The following NWD2 variants were observed in gnomAD, a reference collection of about 807,000 sequenced individuals.
NWD2 encodes the protein NACHT and WD repeat domain-containing protein 2.
In NWD2, 37 loss-of-function variants were observed where a neutral mutation model predicts 132.7. That is an observed-to-expected ratio of 0.28 (90% confidence interval 0.21 to 0.37). The LOEUF (loss-of-function observed/expected upper bound fraction) is 0.37. Among genes scored for constraint, NWD2 ranks in the 10% least tolerant of loss-of-function variants. The pLI, the probability that NWD2 is intolerant of heterozygous loss-of-function variation, is 1.00. For synonymous variants in NWD2, 705 were observed against 803.0 expected, an observed-to-expected ratio of 0.88 and a Z score of 2.06; for missense variants, 1,592 against 2,122.4, an observed-to-expected ratio of 0.75 and a Z score of 4.91.
chr4:37,393,514 A>G (rs766330231), intron 3 of NWD2, among the ~76,000 whole-genome samples: 2 of 152,246 alleles, frequency 1.3e-5, no homozygotes, highest in Non-Finnish European at 2.9e-5. Context: ...AAGTTTCCAA[A>G]GAAGATGGTC....
chr4:37,378,694 G>C (rs187602985), intron 3 of NWD2, among the ~76,000 whole-genome samples: 1 of 152,122 alleles, frequency 6.6e-6, no homozygotes, highest in Non-Finnish European at 1.5e-5. Context: ...TCTTGTGAAA[G>C]TGTTTATTTT....
chr4:37,336,952 G>GAAAAAAAAAA (rs11371327), intron 2 of NWD2, among the ~76,000 whole-genome samples: 4 of 118,976 alleles, frequency 3.4e-5, no homozygotes, highest in Non-Finnish European at 6.7e-5. Context: ...CTCAAAAAAA[G>GAAAAAAAAAA]AAAAAAAAAA....
At chr4:37,339,528 T>C (rs1392975965) in intron 2 of NWD2, among the ~76,000 whole-genome samples, 2 of 152,218 alleles carry the variant, frequency 1.3e-5, no homozygotes, top group East Asian at 3.9e-4. Flanking sequence ...TGTCTGATTA[T>C]ACCAACACTG....
chr4:37,435,617 G>A (rs1284160183), intron 5 of NWD2, among the ~76,000 whole-genome samples: 1 of 151,678 alleles, frequency 6.6e-6, no homozygotes, highest in Non-Finnish European at 1.5e-5. Flanking sequence ...TATTATTTAT[G>A]TAAAAAACAC....
intron 1 of NWD2, among the ~76,000 whole-genome samples, chr4:37,252,987 T>C (rs1212855463): frequency 4.8e-5 from 7 of 144,340 alleles, no homozygotes; most frequent in African/African-American, 2.0e-4. Context: ...TAGCTGACTT[T>C]AAAAATTACC....
intron 1 of NWD2, among the ~76,000 whole-genome samples, chr4:37,290,312 A>T (rs986738792): frequency 5.3e-5 from 8 of 151,948 alleles, no homozygotes; most frequent in Admixed American, 6.5e-5. Flanking sequence ...ATTATATTTT[A>T]AAAAATGTAT....
At chr4:37,245,273 G>A (rs1717212444) in intron 1 of NWD2, 55 bp downstream of exon 1, 4 of 1,484,970 alleles carry the variant, frequency 2.7e-6, no homozygotes, top group East Asian at 2.5e-5. Flanking sequence ...AGCGCTGCGG[G>A]AGCTGGAGAG....
intron 2 of NWD2, among the ~76,000 whole-genome samples, chr4:37,341,528 G>A (rs1005807517): frequency 9.8e-5 from 15 of 152,314 alleles, no homozygotes; most frequent in African/African-American, 3.6e-4. Context: ...AGGCAAACAT[G>A]ACATGAAATG....
intron 1 of NWD2, among the ~76,000 whole-genome samples, chr4:37,283,910 G>A (rs929295040): frequency 6.6e-6 from 1 of 152,136 alleles, no homozygotes; most frequent in Admixed American, 6.6e-5. Flanking sequence ...CACTTAAGGA[G>A]GTGGCCCTTG....
At chr4:37,307,165 A>T (rs1245043995) in intron 1 of NWD2, among the ~76,000 whole-genome samples, 1 of 152,120 alleles carries the variant, frequency 6.6e-6, no homozygotes, top group East Asian at 1.9e-4. Flanking sequence ...GCAGTTTGGT[A>T]ATTTTCTGTA....
chr4:37,331,828 A>C (rs890448645), intron 2 of NWD2, among the ~76,000 whole-genome samples: 9 of 152,034 alleles, frequency 5.9e-5, no homozygotes. Flanking sequence ...CCCTCCCCCA[A>C]CTCCCAGCAG....
At chr4:37,247,363 C>T (rs1717265201) in intron 1 of NWD2, among the ~76,000 whole-genome samples, 1 of 152,088 alleles carries the variant, frequency 6.6e-6, no homozygotes, top group African/African-American at 2.4e-5. Context: ...GATTCTTGGC[C>T]AATACTGAAG....
At position 37,369,208 on chromosome 4, in the gene NWD2, G is replaced by T. The variant is rs148942404; in HGVS notation, c.357+12726G>T. On this transcript the variant is annotated intron_variant, in intron 3 of 6. Transcript: ENST00000309447. The stretch of plus-strand genomic sequence containing the variant: ...AATTTATGAAAGGTAATTATTTGGT[G>T]AAATAAAATATGTATTAATCAGACA... 1.3e-3 allele frequency among the ~76,000 whole-genome samples: 191 copies of T among 152,034 alleles called. 1 individual carries two copies. The highest frequency in any genetic ancestry group is 4.4e-3 in the African/African-American group (183 of 41,456).
Position 37,366,763 on chromosome 4 carries a change from G to C in NWD2, c.357+10281G>C, listed in dbSNP as rs75057914. On this transcript the variant is annotated intron_variant, in intron 3 of 6. Transcript: ENST00000309447. ...AAGATAAAGTAGGATGTTTCATAATGATAAAAGGTTCAATTCAACAGAAAA... is the reference window on the plus strand; with the variant it reads ...AAGATAAAGTAGGATGTTTCATAATCATAAAAGGTTCAATTCAACAGAAAA... Among the ~76,000 whole-genome samples, 813 of 152,150 alleles carry C rather than the reference G, an allele frequency of 5.3e-3. 2 individuals are homozygous for C. The highest frequency in any genetic ancestry group is 0.019 in the African/African-American group (784 of 41,546).
chr4:37,267,299 A>G (rs1717773554), intron 1 of NWD2, among the ~76,000 whole-genome samples: 1 of 152,106 alleles, frequency 6.6e-6, no homozygotes, highest in South Asian at 2.1e-4. Flanking sequence ...GTGGTTTACT[A>G]TGATTATTTA....
intron 3 of NWD2, among the ~76,000 whole-genome samples, chr4:37,361,469 A>G (rs1050152894): frequency 5.3e-5 from 8 of 152,214 alleles, no homozygotes; most frequent in African/African-American, 1.9e-4. Flanking sequence ...CCAACAGCGC[A>G]TCAAAAAGTT....
intron 2 of NWD2, among the ~76,000 whole-genome samples, chr4:37,353,020 C>G (rs1719800703): frequency 6.6e-6 from 1 of 152,144 alleles, no homozygotes; most frequent in Admixed American, 6.5e-5. Flanking sequence ...TTTAATGCTT[C>G]CTACAGGGGC....
intron 1 of NWD2, among the ~76,000 whole-genome samples, chr4:37,308,014 T>C (rs1224812521): frequency 1.3e-5 from 2 of 152,240 alleles, no homozygotes; most frequent in Non-Finnish European, 2.9e-5. Context: ...TTTTCTGATT[T>C]TGATGAATCA....
chr4:37,288,018 G>T (rs1458543158), intron 1 of NWD2, among the ~76,000 whole-genome samples: 1 of 152,180 alleles, frequency 6.6e-6, no homozygotes, highest in Non-Finnish European at 1.5e-5. Context: ...CAGGGACATG[G>T]ATGAAGCTGG....
Sources: allele counts gnomAD v4.1 joint callset (sites outside exome capture counted in the v4.1 genomes callset), GRCh38; gene constraint gnomAD v4.1.1; transcripts MANE v1.5; gene names NCBI Gene and HGNC (gene_info 2026-07-23, HGNC 2026-07-21).